Variants in CYP2C8 observed in about 807,000 individuals in gnomAD.
The protein encoded by CYP2C8 is cytochrome P450 family 2 subfamily C member 8.
A neutral mutation model predicts 41.3 loss-of-function variants in CYP2C8; 51 were observed. The observed-to-expected ratio is 1.24, with a 90% confidence interval of 0.99 to 1.56. CYP2C8 has a LOEUF of 1.56. Ranked by LOEUF, CYP2C8 falls within the 40% of genes most tolerant of loss-of-function variation. The pLI is 0.00. For missense variants in CYP2C8, 651 were observed against 579.9 expected (o/e 1.12, Z -1.26); for synonymous variants, 218 against 205.8 (o/e 1.06, Z -0.51).
chr10:95,043,916 T>C (rs2033059871), intron 6 of CYP2C8, among the ~76,000 whole-genome samples: 1 of 151,786 alleles, frequency 6.6e-6, no homozygotes, highest in Non-Finnish European at 1.5e-5. Context: ...TCTTCCTTGG[T>C]TCTTTAGTTA....
chr10:95,068,652 G>A (rs2033618857), intron 1 of CYP2C8: 1 of 1,280,874 alleles, frequency 7.8e-7, no homozygotes, highest in Non-Finnish European at 1.0e-6. Flanking sequence ...AGGAGAAACA[G>A]CACTTTAAAC....
At chr10:95,058,652 T>A in intron 4 of CYP2C8, 141 bp from the exon 5 acceptor site, 1 of 757,866 alleles carries the variant, frequency 1.3e-6, no homozygotes, top group Non-Finnish European at 2.1e-6. Context: ...ATATATACAT[T>A]TTTTATTACA....
At chr10:95,069,207 T>C in intron 1 of CYP2C8, 28 bp downstream of exon 1, 1 of 1,613,466 alleles carries the variant, frequency 6.2e-7, no homozygotes, top group Non-Finnish European at 8.5e-7. Flanking sequence ...CCTTTGCAAT[T>C]GGCTGGAGGA....
intron 6 of CYP2C8, among the ~76,000 whole-genome samples, chr10:95,044,201 C>T (rs1417112268): frequency 6.6e-6 from 1 of 152,170 alleles, no homozygotes; most frequent in African/African-American, 2.4e-5. Flanking sequence ...AGATGGAGCA[C>T]AACCCCCAGT....
chr10:95,059,263 G>T (rs1339346816), intron 4 of CYP2C8, among the ~76,000 whole-genome samples: 6 of 152,188 alleles, frequency 3.9e-5, no homozygotes, highest in African/African-American at 1.4e-4. Flanking sequence ...CCCACCAACA[G>T]TGTAAAAGTG....
intron 5 of CYP2C8, among the ~76,000 whole-genome samples, chr10:95,052,299 T>C (rs1215893291): frequency 3.3e-5 from 5 of 152,024 alleles, no homozygotes; most frequent in Admixed American, 3.3e-4. Context: ...ATAATCAGAT[T>C]GAACTCAAGA....
chr10:95,058,731 T>C (rs1331590000), intron 4 of CYP2C8, among the ~76,000 whole-genome samples: 1 of 152,160 alleles, frequency 6.6e-6, no homozygotes, highest in Admixed American at 6.6e-5. Context: ...GCCAGGTTGG[T>C]GTACTGCACC....
At chr10:95,042,795 C>G in intron 7 of CYP2C8, 95 bp downstream of exon 7, 1 of 1,046,154 alleles carries the variant, frequency 9.6e-7, no homozygotes, top group Non-Finnish European at 1.5e-6. Context: ...GAGTTTTGCA[C>G]TTCTCTCATC....
In CYP2C8 at chr10:95,037,254, T is replaced by C. The variant is rs142997544; in HGVS notation, c.1347A>G (p.Leu449=). The C allele has an allele frequency of 1.3e-5, 21 of 1,612,298 alleles. No homozygotes were observed. Among genetic ancestry groups the C allele is most frequent in the Non-Finnish European group, 1.3e-5 (15 of 1,178,424 alleles). ...GLARMELFLF[L]TTILQNFNLK... is the part of the protein sequence containing the mutation. Reference sequence around the variant, plus strand: ...GGTTAAAGTTCTGTAAAATTGTGGTTAGAAATAAAAATAGCTCCATGCGGG... The same window carrying C: ...GGTTAAAGTTCTGTAAAATTGTGGTCAGAAATAAAAATAGCTCCATGCGGG... Residue 449 remains leucine (L), a synonymous_variant, in exon 9 of 9, where the codon CTA becomes CTG. Coordinates refer to ENST00000371270, the MANE Select transcript of CYP2C8 (RefSeq NM_000770.3).
At chr10:95,059,565 A>T (rs9703851) in intron 4 of CYP2C8, among the ~76,000 whole-genome samples, 97,300 of 151,916 alleles carry the variant, frequency 0.64, 31,850 homozygotes, top group African/African-American at 0.76. Context: ...ATGAGTAGAT[A>T]GCAAAATTTT....
chr10:95,056,404 C>A (rs899234226), intron 5 of CYP2C8, among the ~76,000 whole-genome samples: 1 of 151,968 alleles, frequency 6.6e-6, no homozygotes. Flanking sequence ...TAGGACTATA[C>A]CCTGGAAAAA....
In CYP2C8 at chr10:95,067,004, C is replaced by A. The variant is rs1262983228; in HGVS notation, c.481+204G>T. Among the ~76,000 whole-genome samples the A allele has an allele frequency of 3.9e-5, 6 of 152,102 alleles. No individual in the cohort carries two copies. The East Asian group carries it at 9.7e-4, about 25-fold the overall frequency. ...ATTAAATGACCTTTTATTCCTACAC[C>A]CTATGAACCAACACATTTATACAGG... On this transcript the variant is annotated intron_variant, in intron 3 of 8. Coordinates refer to ENST00000371270, the MANE Select transcript of CYP2C8 (RefSeq NM_000770.3).
chr10:95,055,894 C>T (rs2033306287), intron 5 of CYP2C8, among the ~76,000 whole-genome samples: 1 of 151,960 alleles, frequency 6.6e-6, no homozygotes, highest in African/African-American at 2.4e-5. Context: ...AGTTTGAGAC[C>T]AGCCTAGGAA....
Position 95,037,088 on chromosome 10 carries a change from CA to C in CYP2C8, c.*39del, listed in dbSNP as rs757463412. 1.0e-4 allele frequency: 157 copies of C among 1,575,634 alleles called. 1 individual carries two copies. In the South Asian group the frequency reaches 1.6e-3, roughly 16 times the overall value. ...AATGTCCTTGATAAAAAAAGAGTTG[CA>C]GGTGATAGCAGATCGGCAGCCAGAT... On this transcript the variant is annotated 3_prime_UTR_variant, in exon 9 of 9. Transcript: ENST00000371270.
Position 95,045,818 on chromosome 10 carries a change from T to C in CYP2C8, c.953A>G (p.Glu318Gly). The C allele has an allele frequency of 6.2e-7, 1 of 1,614,012 alleles. No individual in the cohort carries two copies. The highest frequency in any genetic ancestry group is 8.5e-7 in the Non-Finnish European group (1 of 1,179,874). The change falls in exon 6 of 9, where the codon GAG becomes GGG. Residue 318 changes from glutamate to glycine, a missense_variant. By Grantham distance (98) the Glu-to-Gly change is moderately conservative. Transcript: ENST00000371270. Reference sequence around the variant, plus strand: ...ATCATCTGTGGTCCTACCTGTGACCTCTGGGTGCTTCAGCAGGAGCAGGAG... The same window carrying C: ...ATCATCTGTGGTCCTACCTGTGACCCCTGGGTGCTTCAGCAGGAGCAGGAG... The part of the protein sequence containing the change: ...YGLLLLLKHP[E>G]VTAKVQEEID...
intron 5 of CYP2C8, among the ~76,000 whole-genome samples, chr10:95,056,661 T>G (rs148939344): frequency 2.0e-5 from 3 of 152,294 alleles, no homozygotes; most frequent in Admixed American, 2.0e-4. Flanking sequence ...AGATCACATA[T>G]GCCATGGGTC....
chr10:95,058,143 C>T (rs990217270), intron 5 of CYP2C8, among the ~76,000 whole-genome samples, 192 bp downstream of exon 5: 20 of 152,160 alleles, frequency 1.3e-4, no homozygotes, highest in African/African-American at 4.8e-4. Flanking sequence ...AGGGTCTATG[C>T]ATTCTAGCCA....
rs1360377722 is a variant in CYP2C8 at position 95,037,169 on chromosome 10, A to G, written c.1432T>C (p.Ser478Pro). ...CAGATCTGGTATGAGGGTGGCAGAG[A>G]AACAATCCCTTTGGTAACTGCAGTA... ...NTTAVTKGIV[S>P]LPPSYQICFI... Residue 478 changes from serine to proline, a missense_variant, in exon 9 of 9, where the codon TCT becomes CCT. Transcript: ENST00000371270. The G allele has an allele frequency of 6.2e-7, 1 of 1,614,044 alleles. No homozygotes were observed. The highest frequency in any genetic ancestry group is 8.5e-7 in the Non-Finnish European group (1 of 1,179,914).
chr10:95,039,086 TGAG>T (rs761704348), intron 7 of CYP2C8, 48 bp from the exon 8 acceptor site: 5 of 1,560,300 alleles, frequency 3.2e-6, no homozygotes, highest in Admixed American at 3.3e-5. Context: ...AGTCCAGAAG[TGAG>T]GAGAAGTAGT....
Sources: allele counts gnomAD v4.1 joint callset (sites outside exome capture counted in the v4.1 genomes callset), GRCh38; gene constraint gnomAD v4.1.1; transcripts MANE v1.5; gene names NCBI Gene and HGNC (gene_info 2026-07-23, HGNC 2026-07-21).